Variants in USPL1 observed in about 807,000 individuals in gnomAD.
USPL1 encodes SUMO-specific isopeptidase USPL1.
USPL1 carries 27 observed loss-of-function variants against 51.5 expected under a neutral mutation model. That is an observed-to-expected ratio of 0.52 (90% CI 0.39 to 0.72). The LOEUF is 0.72. Among genes scored for constraint, USPL1 ranks in the 30% least tolerant of loss-of-function variants. USPL1 has a pLI of 0.00. For missense variants in USPL1, 1,226 were observed against 1,268.0 expected, an observed-to-expected ratio of 0.97 and a Z score of 0.50; for synonymous variants, 451 against 459.6, an observed-to-expected ratio of 0.98 and a Z score of 0.24.
At chr13:30,647,608 A>G (rs11841258) in intron 7 of USPL1, among the ~76,000 whole-genome samples, 3,263 of 152,130 alleles carry the variant, frequency 0.021, 77 homozygotes, top group Middle Eastern at 0.099. Context: ...TTACCAGAGA[A>G]CCATCTGTTT....
chr13:30,651,092 G>GCTCTGTTCTGCATCAT (rs1383834421), intron 7 of USPL1, among the ~76,000 whole-genome samples: 2 of 152,052 alleles, frequency 1.3e-5, no homozygotes, highest in African/African-American at 2.4e-5. Flanking sequence ...CTGCATTATG[G>GCTCTGTTCTGCATCAT]CTCTGTTCTG....
intron 3 of USPL1, among the ~76,000 whole-genome samples, chr13:30,628,043 A>ATTT (rs202119827): frequency 1.3e-4 from 16 of 127,024 alleles, no homozygotes; most frequent in East Asian, 2.3e-4. Flanking sequence ...TGCCTGGCTA[A>ATTT]TTTTTTTTTT....
intron 7 of USPL1, among the ~76,000 whole-genome samples, chr13:30,650,979 A>G (rs2137705004): frequency 6.6e-6 from 1 of 151,698 alleles, no homozygotes; most frequent in African/African-American, 2.4e-5. Context: ...ACAGAGTGAG[A>G]CGCCATCTCA....
chr13:30,630,424 C>G (rs556320199), intron 3 of USPL1, among the ~76,000 whole-genome samples: 4 of 152,300 alleles, frequency 2.6e-5, no homozygotes, highest in Non-Finnish European at 5.9e-5. Flanking sequence ...AGAAATTACT[C>G]TGTGCACTTT....
chr13:30,630,252 T>C (rs1950783585), intron 3 of USPL1, among the ~76,000 whole-genome samples: 1 of 152,208 alleles, frequency 6.6e-6, no homozygotes, highest in Admixed American at 6.5e-5. Context: ...CTGATTCTTT[T>C]AGTGATATGT....
At chr13:30,653,373 T>C (rs1951117085) in intron 8 of USPL1, 68 bp downstream of exon 8, 1 of 1,435,040 alleles carries the variant, frequency 7.0e-7, no homozygotes, top group Non-Finnish European at 9.2e-7. Flanking sequence ...GTGGGGACTT[T>C]TTGGTTTTTG....
chr13:30,634,603 C>A (rs1422002938), intron 4 of USPL1, among the ~76,000 whole-genome samples: 3 of 151,980 alleles, frequency 2.0e-5, no homozygotes, highest in African/African-American at 7.2e-5. Flanking sequence ...ACAGAATATT[C>A]ATCTACCTGT....
At chr13:30,639,252 A>G (rs9706790) in intron 5 of USPL1, among the ~76,000 whole-genome samples, 3 of 147,406 alleles carry the variant, frequency 2.0e-5, no homozygotes, top group South Asian at 2.1e-4. Flanking sequence ...ATATGTGTGT[A>G]TGTGTGTGTA....
intron 6 of USPL1, among the ~76,000 whole-genome samples, chr13:30,645,722 T>TA (rs755261641): frequency 5.3e-5 from 8 of 152,224 alleles, no homozygotes; most frequent in Non-Finnish European, 1.2e-4. Context: ...TTGGAAAGTG[T>TA]AACCCAGAGT....
chr13:30,627,814 C>T (rs1042546504), intron 3 of USPL1, among the ~76,000 whole-genome samples: 5 of 151,896 alleles, frequency 3.3e-5, no homozygotes, highest in African/African-American at 9.7e-5. Flanking sequence ...AAACTCTGTA[C>T]CCATTAAACA....
Position 30,621,867 on chromosome 13 carries a change from C to CT in USPL1, c.204dup (p.Ile69TyrfsTer5), listed in dbSNP as rs781277093. The CT allele has an allele frequency of 3.2e-6, 5 of 1,566,552 alleles. No individual in the cohort carries two copies. Reference sequence around the variant, plus strand: ...ACTTACCGAATTAGTTTTCAAGAATCTATCTTTTTGTGTGAGGATCTGCAG... The same window carrying CT: ...ACTTACCGAATTAGTTTTCAAGAATCTTATCTTTTTGTGTGAGGATCTGCAG... On this transcript the variant is annotated frameshift_variant, in exon 3 of 9. Coordinates refer to ENST00000255304, the MANE Select transcript of USPL1 (RefSeq NM_005800.5). LOFTEE classifies it high-confidence loss of function.
chr13:30,624,630 GA>G (rs796356342), intron 3 of USPL1, among the ~76,000 whole-genome samples: 14 of 144,722 alleles, frequency 9.7e-5, no homozygotes, highest in Non-Finnish European at 2.0e-4. Flanking sequence ...TCTATTAAAA[GA>G]AAAAAAAAAG....
chr13:30,659,196 ACT>A lies in USPL1; in HGVS notation c.3124_3125del (p.Leu1042AspfsTer3), dbSNP rs1365057254. ...AAAAATCCATGTGAAGTTCAGCCAG[ACT>A]CTCTGACAAATAATGCCTGCGTTAG... On this transcript the variant is annotated frameshift_variant, in exon 9 of 9. Coordinates refer to ENST00000255304, the MANE Select transcript of USPL1 (RefSeq NM_005800.5). LOFTEE classifies it high-confidence loss of function. 2 of 1,614,002 alleles carry A rather than the reference ACT, an allele frequency of 1.2e-6. No individual in the cohort carries two copies. Among genetic ancestry groups the A allele is most frequent in the Non-Finnish European group, 1.7e-6 (2 of 1,179,998 alleles).
At position 30,657,781 on chromosome 13, in the gene USPL1, T is replaced by C. The variant is rs1296604983; in HGVS notation, c.1704T>C (p.His568=). The part of the protein sequence containing the change: ...RTLSQDTAVT[H]GDHLLSGPKG... The stretch of plus-strand genomic sequence containing the variant: ...TTTCACAGGACACAGCTGTAACTCA[T>C]GGAGATCATTTACTTTCAGGTCCAA... The change falls in exon 9 of 9, where the codon CAT becomes CAC. Residue 568 remains histidine, a synonymous_variant. Coordinates refer to ENST00000255304, the MANE Select transcript of USPL1 (RefSeq NM_005800.5). The C allele has an allele frequency of 6.2e-7, 1 of 1,614,120 alleles. No individual in the cohort carries two copies. Among genetic ancestry groups the C allele is most frequent in the East Asian group, 2.2e-5 (1 of 44,880 alleles).
intron 1 of USPL1, 96 bp downstream of exon 1, chr13:30,618,152 A>G (rs1481675603): frequency 6.6e-6 from 1 of 152,272 alleles, no homozygotes; most frequent in Admixed American, 6.6e-5. Context: ...CGCTGAAAGG[A>G]TGGGCTGGGC....
In USPL1 at chr13:30,660,341, G is replaced by A. The variant is rs1951242752; in HGVS notation, c.*985G>A. Reference sequence around the variant, plus strand: ...TTTGATCTGAGAGCTGGTGCCAATAGCAGGGAGAAGCCAAGCTGCAGAGGC... The same window carrying A: ...TTTGATCTGAGAGCTGGTGCCAATAACAGGGAGAAGCCAAGCTGCAGAGGC... On this transcript the variant is annotated 3_prime_UTR_variant, in exon 9 of 9. Transcript: ENST00000255304. 1 of 152,390 alleles carries A rather than the reference G, an allele frequency of 6.6e-6. No homozygotes were observed. Among genetic ancestry groups the A allele is most frequent in the Admixed American group, 6.5e-5 (1 of 15,310 alleles). 9.4% of individuals were successfully genotyped at this position (152,390 alleles called of 1,614,324 possible).
intron 1 of USPL1, among the ~76,000 whole-genome samples, chr13:30,620,089 A>AG (rs1299912169): frequency 6.6e-6 from 1 of 152,234 alleles, no homozygotes; most frequent in Admixed American, 6.5e-5. Flanking sequence ...ACTTTCTTTA[A>AG]AAAGCAGTTT....
intron 3 of USPL1, among the ~76,000 whole-genome samples, chr13:30,627,010 T>C (rs1950725371): frequency 6.6e-6 from 1 of 152,158 alleles, no homozygotes; most frequent in South Asian, 2.1e-4. Context: ...TATACAAGTA[T>C]AAGAAGACAT....
At chr13:30,645,758 C>T (rs1951010356) in intron 6 of USPL1, among the ~76,000 whole-genome samples, 1 of 152,162 alleles carries the variant, frequency 6.6e-6, no homozygotes, top group Non-Finnish European at 1.5e-5. Flanking sequence ...TCTTCAGAGG[C>T]AGATCTCAGG....
Sources: gnomAD v4.1 joint callset for allele counts (sites outside exome capture counted in the v4.1 genomes callset) on GRCh38, gnomAD v4.1.1 for gene constraint, MANE v1.5 for transcripts, NCBI Gene and HGNC (gene_info 2026-07-23, HGNC 2026-07-21) for gene names.